Variants in NAALADL2 observed in about 807,000 individuals in gnomAD.
NAALADL2 encodes N-acetylated alpha-linked acidic dipeptidase like 2, also known as inactive N-acetylated-alpha-linked acidic dipeptidase-like protein 2.
A neutral mutation model predicts 87.2 loss-of-function variants in NAALADL2; 76 were observed. The ratio of observed to expected loss-of-function variants is 0.87; its 90% confidence interval spans 0.72 to 1.05. The LOEUF (loss-of-function observed/expected upper bound fraction) is 1.05. Among genes scored for constraint, NAALADL2 ranks in the 50% least tolerant of loss-of-function variants. The probability of loss-of-function intolerance (pLI) is 0.00; values close to 1 mark genes in which losing one functional copy is unlikely to be tolerated. For synonymous variants in NAALADL2, 354 were observed against 331.0 expected, an observed-to-expected ratio of 1.07 and a Z score of -0.75; for missense variants, 1,089 against 945.8, an observed-to-expected ratio of 1.15 and a Z score of -1.99.
intron 1 of NAALADL2, among the ~76,000 whole-genome samples, chr3:174,974,586 T>G (rs1744116596): frequency 6.6e-6 from 1 of 152,206 alleles, no homozygotes; most frequent in Non-Finnish European, 1.5e-5. Flanking sequence ...TGATTATTTT[T>G]CCTTCCATTC....
Position 175,805,554 on chromosome 3 carries a change from G to A in NAALADL2, c.*2351G>A, listed in dbSNP as rs1754627296. 6.6e-6 allele frequency: 1 copy of A among 151,686 alleles called. No homozygotes were observed. The highest frequency in any genetic ancestry group is 6.6e-5 in the Admixed American group (1 of 15,150). The allele number at this position is 151,686 out of a possible 1,614,324, so 9.4% of individuals were successfully genotyped here. A position where few individuals can be genotyped will look rare whatever the true frequency, so the allele number is the denominator to read the frequency against. ...CATTATTTCTATAGTGTGATTACCTGAGGGTGCCTCCAAATGTATATCATT... is the reference window on the plus strand; with the variant it reads ...CATTATTTCTATAGTGTGATTACCTAAGGGTGCCTCCAAATGTATATCATT... On this transcript the variant is annotated 3_prime_UTR_variant, in exon 14 of 14. Coordinates refer to ENST00000454872, the MANE Select transcript of NAALADL2 (RefSeq NM_207015.3).
chr3:174,605,889 TC>T (rs1455630258), intron 2 of NAALADL2, among the ~76,000 whole-genome samples: 1 of 151,928 alleles, frequency 6.6e-6, no homozygotes, highest in African/African-American at 2.4e-5. Flanking sequence ...TGACCCCTGA[TC>T]CCCGAGCAGC....
At chr3:174,987,007 G>T (rs1054620040) in intron 1 of NAALADL2, among the ~76,000 whole-genome samples, 12 of 152,104 alleles carry the variant, frequency 7.9e-5, no homozygotes, top group African/African-American at 2.9e-4. Flanking sequence ...TGATAATCTG[G>T]TTAAAAATTT....
chr3:174,469,988 ATTC>A (rs1320857814), intron 1 of NAALADL2, among the ~76,000 whole-genome samples: 2 of 152,040 alleles, frequency 1.3e-5, no homozygotes, highest in African/African-American at 4.8e-5. Context: ...TTTTTAAAGT[ATTC>A]TTGTATTTCT....
At chr3:175,572,860 A>C (rs1210231568) in intron 9 of NAALADL2, among the ~76,000 whole-genome samples, 1 of 151,928 alleles carries the variant, frequency 6.6e-6, no homozygotes, top group East Asian at 2.0e-4. Context: ...GGTCAAGCTC[A>C]GCCTGGGCAA....
intron 2 of NAALADL2, among the ~76,000 whole-genome samples, chr3:175,129,657 T>C (rs1727502649): frequency 6.6e-6 from 1 of 152,212 alleles, no homozygotes; most frequent in Non-Finnish European, 1.5e-5. Flanking sequence ...CTTAATAATA[T>C]TTCATTGTAT....
rs1290098579 is a variant in NAALADL2, at chr3:175,201,791, T to TG, written c.546-32138dup. Among the ~76,000 whole-genome samples the TG allele has an allele frequency of 2.5e-4, 31 of 122,232 alleles. 1 individual carries two copies. In the East Asian group the frequency reaches 8.5e-3, roughly 33 times the overall value. 80.2% of individuals were successfully genotyped at this position (122,232 alleles called of 152,430 possible). A position where few individuals can be genotyped will look rare whatever the true frequency, so the allele number is the denominator to read the frequency against. On this transcript the variant is annotated intron_variant, in intron 2 of 13. Transcript: ENST00000454872. The stretch of plus-strand genomic sequence containing the variant: ...TGTTATTCAATTGAGGGTACTTATT[T>TG]GGAAAAAAAAAAAAAACAAATTTGC...
intron 5 of NAALADL2, among the ~76,000 whole-genome samples, chr3:175,334,339 T>A (rs28396292): frequency 0.28 from 43,180 of 151,908 alleles, 9,375 homozygotes; most frequent in African/African-American, 0.61. Flanking sequence ...CCAACCCAGC[T>A]TGTATAAGGT....
At chr3:174,670,592 A>G (rs1726437907) in intron 2 of NAALADL2, among the ~76,000 whole-genome samples, 2 of 152,114 alleles carry the variant, frequency 1.3e-5, no homozygotes, top group African/African-American at 2.4e-5. Flanking sequence ...GAGGCAAGAC[A>G]ATATTTCTAT....
chr3:174,596,312 A>G (rs1249913885), intron 2 of NAALADL2, among the ~76,000 whole-genome samples: 1 of 152,146 alleles, frequency 6.6e-6, no homozygotes, highest in Non-Finnish European at 1.5e-5. Flanking sequence ...ACTACCATTG[A>G]TGCTGCTAAT....
Position 174,593,708 on chromosome 3 carries a change from G to T in NAALADL2, c.-115+43071G>T, listed in dbSNP as rs527692670. Among the ~76,000 whole-genome samples the T allele has an allele frequency of 1.1e-3, 168 of 152,260 alleles. 1 individual carries two copies. Among genetic ancestry groups the T allele is most frequent in the African/African-American group, 4.0e-3 (167 of 41,560 alleles). On this transcript the variant is annotated intron_variant, in intron 2 of 3. Coordinates refer to the NAALADL2 transcript ENST00000434257. ...ATCCTTGTATATAGCCTATTTTGGAGTAGTTCATTTTCTCATTCATGGACT... is the reference window on the plus strand; with the variant it reads ...ATCCTTGTATATAGCCTATTTTGGATTAGTTCATTTTCTCATTCATGGACT...
intron 1 of NAALADL2, among the ~76,000 whole-genome samples, chr3:174,930,022 C>G (rs1736636159): frequency 6.6e-6 from 1 of 152,114 alleles, no homozygotes; most frequent in Non-Finnish European, 1.5e-5. Context: ...CCAATCAAAG[C>G]CACCTTAGTT....
intron 2 of NAALADL2, among the ~76,000 whole-genome samples, chr3:174,719,896 G>T (rs562942483): frequency 9.4e-4 from 143 of 152,270 alleles, no homozygotes; most frequent in South Asian, 6.6e-3. Flanking sequence ...CCGCCTCCCG[G>T]GTTCAAGCGA....
At chr3:175,615,332 A>T (rs1725186023) in intron 10 of NAALADL2, among the ~76,000 whole-genome samples, 1 of 152,096 alleles carries the variant, frequency 6.6e-6, no homozygotes, top group Non-Finnish European at 1.5e-5. Context: ...TAATCTGCAT[A>T]TTGGGAAAAA....
At chr3:175,798,657 A>G (rs554325042) in intron 13 of NAALADL2, among the ~76,000 whole-genome samples, 5 of 152,222 alleles carry the variant, frequency 3.3e-5, no homozygotes, top group African/African-American at 1.2e-4. Flanking sequence ...GTTCTAAAAC[A>G]GTAATCATTC....
chr3:175,343,677 C>CTTTTTTTTTT (rs1560398617), intron 5 of NAALADL2, among the ~76,000 whole-genome samples: 2 of 78,882 alleles, frequency 2.5e-5, no homozygotes, highest in Non-Finnish European at 5.7e-5. Context: ...TTTTTTTTTT[C>CTTTTTTTTTT]CCTTCCCACT....
At chr3:174,875,023 G>A (rs1728314578) in intron 1 of NAALADL2, among the ~76,000 whole-genome samples, 1 of 149,034 alleles carries the variant, frequency 6.7e-6, no homozygotes, top group African/African-American at 2.5e-5. Context: ...TGAGGTGGGA[G>A]GATTGTTTGA....
At chr3:175,483,712 T>C (rs1726843487) in intron 9 of NAALADL2, among the ~76,000 whole-genome samples, 1 of 152,016 alleles carries the variant, frequency 6.6e-6, no homozygotes, top group Non-Finnish European at 1.5e-5. Context: ...AAGAAATTAA[T>C]TGAATGTGTG....
At chr3:174,981,553 T>C (rs1560438269) in intron 1 of NAALADL2, among the ~76,000 whole-genome samples, 1 of 152,200 alleles carries the variant, frequency 6.6e-6, no homozygotes, top group Non-Finnish European at 1.5e-5. Context: ...AGTGTTCATA[T>C]AGAGTTTAAT....
Sources: allele counts gnomAD v4.1 joint callset (sites outside exome capture counted in the v4.1 genomes callset), GRCh38; gene constraint gnomAD v4.1.1; transcripts MANE v1.5; gene names NCBI Gene and HGNC (gene_info 2026-07-23, HGNC 2026-07-21).